The following EIF4G2 variants were observed in gnomAD, a reference collection of about 807,000 sequenced individuals.
EIF4G2 encodes the protein DAP-5.
Under a neutral mutation model 117.7 loss-of-function variants are expected in EIF4G2, and 8 were observed. The ratio of observed to expected loss-of-function variants is 0.07; its 90% CI spans 0.04 to 0.12. The LOEUF is 0.12. Among genes scored for constraint, EIF4G2 ranks in the 10% least tolerant of loss-of-function variants. The pLI is 1.00. For synonymous variants in EIF4G2, 413 were observed against 367.8 expected (o/e 1.12, Z -1.41); for missense variants, 812 against 1,086.2 (o/e 0.75, Z 3.55).
chr11:10,805,160 G>A (rs369751361), intron 4 of EIF4G2, 145 bp from the exon 5 acceptor site: 1 of 666,758 alleles, frequency 1.5e-6, no homozygotes, highest in Non-Finnish European at 2.6e-6. Flanking sequence ...TAAAACCAAA[G>A]GGATGCTGAA....
Position 10,803,776 on chromosome 11 carries a change from T to C in EIF4G2, c.702+123A>G. 1 of 1,302,482 alleles carries C rather than the reference T, an allele frequency of 7.7e-7. No homozygotes were observed. Among genetic ancestry groups the C allele is most frequent in the Non-Finnish European group, 1.1e-6 (1 of 941,436 alleles). The allele number at this position is 1,302,482 out of a possible 1,614,324, so 80.7% of individuals were successfully genotyped here. ...CAAACACACCACGTATTTCAAATTA[T>C]TCTGTTTAGTAAATTTTGTTGCACA... is the stretch of plus-strand genomic sequence containing the variant. On this transcript the variant is annotated intron_variant, in intron 8 of 21. Transcript: ENST00000339995. This position sits in a 1 kb window ranked among gnomAD's most constrained non-coding sequence, Gnocchi z 4.0.
Position 10,800,513 on chromosome 11 carries a change from G to A in EIF4G2, c.1779C>T (p.Ser593=), listed in dbSNP as rs755135345. The stretch of plus-strand genomic sequence containing the variant: ...AACTTGCTTTTTCTTTATCTTCATC[G>A]CTTCTATCTAGTGACAGGATGATTA... The change falls in exon 17 of 22, where the codon AGC becomes AGT. Residue 593 remains serine, a synonymous_variant. Transcript: ENST00000339995. The A allele has an allele frequency of 2.4e-5, 38 of 1,613,942 alleles. No individual in the cohort carries two copies. Among genetic ancestry groups the A allele is most frequent in the Non-Finnish European group, 2.5e-5 (29 of 1,180,024 alleles).
intron 4 of EIF4G2, among the ~76,000 whole-genome samples, chr11:10,805,692 A>G (rs992350806): frequency 1.3e-5 from 2 of 152,086 alleles, no homozygotes; most frequent in Non-Finnish European, 2.9e-5. Flanking sequence ...ACCTCAAGTG[A>G]TCTGCCCACC....
At chr11:10,798,320 CA>C (rs1847318259) in intron 21 of EIF4G2, among the ~76,000 whole-genome samples, 1 of 152,190 alleles carries the variant, frequency 6.6e-6, no homozygotes, top group Non-Finnish European at 1.5e-5. Context: ...GCTACAAGTT[CA>C]TTCAATAAGA....
chr11:10,806,121 G>A, intron 3 of EIF4G2, 74 bp from the exon 4 acceptor site: 1 of 1,590,638 alleles, frequency 6.3e-7, no homozygotes, highest in Non-Finnish European at 8.6e-7. Context: ...CTCTTACATA[G>A]AAAAAAGTAA....
intron 12 of EIF4G2, 41 bp from the exon 13 acceptor site, chr11:10,802,250 A>T (rs1564982843): frequency 6.2e-7 from 1 of 1,611,630 alleles, no homozygotes; most frequent in African/African-American, 1.3e-5. Context: ...ACTAAAGTTA[A>T]CTGATTTTTC....
Position 10,803,699 on chromosome 11 carries a change from C to CTAG in EIF4G2, c.703-112_703-110dup. On this transcript the variant is annotated intron_variant, in intron 8 of 21. Transcript: ENST00000339995. This position sits in a 1 kb window ranked among gnomAD's most constrained non-coding sequence, Gnocchi z 4.0. ...GACTCATTCACAGTTCCTACAGAAT[C>CTAG]TAGTATAGGGCTTTCTACCAGTCTG... The CTAG allele has an allele frequency of 8.6e-7, 1 of 1,162,716 alleles. No homozygotes were observed. The highest frequency in any genetic ancestry group is 1.2e-6 in the Non-Finnish European group (1 of 802,744). 72.0% of individuals were successfully genotyped at this position (1,162,716 alleles called of 1,614,324 possible).
intron 1 of EIF4G2, chr11:10,808,325 C>T: frequency 1.7e-6 from 2 of 1,207,476 alleles, no homozygotes; most frequent in Non-Finnish European, 2.1e-6. Flanking sequence ...TCCCTGGTCC[C>T]GCGCCAACGG....
rs749135807 is a variant in EIF4G2 at position 10,804,279 on chromosome 11, C to T, written c.483+8G>A. ...CTTTAAAACAAGCAAACAAAAACTA[C>T]CACTTACGGTGCTTTGCTTCTGTCC... On this transcript the variant is annotated splice_region_variant and intron_variant, in intron 6 of 21. Coordinates refer to ENST00000339995, the MANE Select transcript of EIF4G2 (RefSeq NM_001418.4). The T allele has an allele frequency of 4.3e-6, 7 of 1,613,384 alleles. No homozygotes were observed. Among genetic ancestry groups the T allele is most frequent in the Non-Finnish European group, 4.2e-6 (5 of 1,179,576 alleles).
intron 4 of EIF4G2, 29 bp downstream of exon 4, chr11:10,805,878 C>T: frequency 1.2e-6 from 2 of 1,614,178 alleles, no homozygotes; most frequent in Non-Finnish European, 8.5e-7. Context: ...CACTTCCCAT[C>T]TTTTAGTAAA....
chr11:10,807,951 C>G, intron 1 of EIF4G2: 1 of 1,019,228 alleles, frequency 9.8e-7, no homozygotes, highest in Non-Finnish European at 1.2e-6. Context: ...TTCCTGGGAA[C>G]AAAAGAGCGG....
Position 10,798,844 on chromosome 11 carries a change from T to A in EIF4G2, c.2658+148A>T, listed in dbSNP as rs559631311. On this transcript the variant is annotated intron_variant, in intron 21 of 21. Coordinates refer to ENST00000339995, the MANE Select transcript of EIF4G2 (RefSeq NM_001418.4). ...TGTGTAGCTTTACTTAATAATAGCT[T>A]CAAATAGTGCAGAATGAAATGTACA... is the stretch of plus-strand genomic sequence containing the variant. 3 of 948,308 alleles carry A rather than the reference T, an allele frequency of 3.2e-6. No individual in the cohort carries two copies. The Admixed American group carries it at 7.4e-5, about 23-fold the overall frequency. The allele number at this position is 948,308 out of a possible 1,614,324, so 58.7% of individuals were successfully genotyped here. A position where few individuals can be genotyped will look rare whatever the true frequency, so the allele number is the denominator to read the frequency against.
intron 11 of EIF4G2, 25 bp from the exon 12 acceptor site, chr11:10,802,460 C>G: frequency 6.5e-7 from 1 of 1,537,630 alleles, no homozygotes; most frequent in Non-Finnish European, 8.7e-7. Flanking sequence ...TGAATATGCA[C>G]TTTTTGTCTC....
At chr11:10,800,691 T>C (rs757838146) in intron 16 of EIF4G2, 40 bp downstream of exon 16, 4 of 1,613,992 alleles carry the variant, frequency 2.5e-6, no homozygotes, top group African/African-American at 2.7e-5. Flanking sequence ...CTATCTCAAA[T>C]ACAGGCTAAT....
At chr11:10,806,913 G>A (rs777620858) in intron 2 of EIF4G2, 28 bp from the exon 3 acceptor site, 4 of 1,605,274 alleles carry the variant, frequency 2.5e-6, no homozygotes, top group Middle Eastern at 1.7e-4. Context: ...ATTGTTTACT[G>A]TATCCCAACT....
At chr11:10,799,998 G>C (rs936904224) in intron 18 of EIF4G2, 92 bp downstream of exon 18, 1 of 1,400,762 alleles carries the variant, frequency 7.1e-7, no homozygotes, top group African/African-American at 1.4e-5. Flanking sequence ...AGGACAATCA[G>C]ACTGTCTGAC....
At position 10,801,727 on chromosome 11, in the gene EIF4G2, C is replaced by G; in HGVS notation, c.1347G>C (p.Gln449His). 1.2e-6 allele frequency: 2 copies of G among 1,614,146 alleles called. No individual in the cohort carries two copies. The highest frequency in any genetic ancestry group is 1.7e-6 in the Non-Finnish European group (2 of 1,180,024). Residue 449 changes from glutamine (Q) to histidine (H), a missense_variant, in exon 14 of 22, where the codon CAG becomes CAC. Gln to His is a conservative substitution (Grantham distance 24, BLOSUM62 0). Around this residue, in one of 4 missense-constraint regions of EIF4G2, gnomAD observed 571 missense variants for 642.3 expected, o/e 0.89. Coordinates refer to ENST00000339995, the MANE Select transcript of EIF4G2 (RefSeq NM_001418.4). ...GCATATCCTTCGACTGTCCTTGCAG[C>G]TGGGATAAGAGTCCCTGACTCTGGT...
intron 14 of EIF4G2, 114 bp downstream of exon 14, chr11:10,801,547 A>G (rs1205627360): frequency 1.0e-6 from 1 of 970,040 alleles, no homozygotes; most frequent in Non-Finnish European, 1.7e-6. Flanking sequence ...AAGAGAGAAA[A>G]ACGTCAAGAA....
At chr11:10,801,869 G>A in intron 13 of EIF4G2, 95 bp from the exon 14 acceptor site, 3 of 1,275,682 alleles carry the variant, frequency 2.4e-6, no homozygotes, top group Non-Finnish European at 3.3e-6. Context: ...CATAAAGTTA[G>A]TTTAACTGAA....
Sources: gnomAD v4.1 joint callset for allele counts (sites outside exome capture counted in the v4.1 genomes callset) on GRCh38, gnomAD v4.1.1 for gene constraint, gnomAD v4.1.1 regional missense constraint, Gnocchi (gnomAD v3.1) non-coding constraint, MANE v1.5 for transcripts, NCBI Gene and HGNC (gene_info 2026-07-23, HGNC 2026-07-21) for gene names.